FAM110B: variants seen among roughly 807,000 people sequenced by gnomAD.
The protein encoded by FAM110B is family with sequence similarity 110 member B, also known as protein FAM110B.
In FAM110B, 6 loss-of-function variants were observed where a neutral mutation model predicts 20.4. The ratio of observed to expected loss-of-function variants is 0.29; its 90% CI spans 0.16 to 0.58. FAM110B has a LOEUF of 0.58. Among genes scored for constraint, FAM110B ranks in the 20% least tolerant of loss-of-function variants. The probability of loss-of-function intolerance (pLI) is 0.90; values close to 1 mark genes in which losing one functional copy is unlikely to be tolerated. For synonymous variants in FAM110B, 226 were observed against 214.1 expected, an observed-to-expected ratio of 1.06 and a Z score of -0.49; for missense variants, 434 against 498.2, an observed-to-expected ratio of 0.87 and a Z score of 1.23.
chr8:58,072,952 A>G (rs907792870), intron 2 of FAM110B, among the ~76,000 whole-genome samples: 3 of 152,344 alleles, frequency 2.0e-5, no homozygotes, highest in South Asian at 2.1e-4. Context: ...GGCAATATCT[A>G]TAGGTGGATT....
chr8:58,019,728 A>C (rs4480114), intron 1 of FAM110B, among the ~76,000 whole-genome samples: 130,385 of 152,078 alleles, frequency 0.86, 56,292 homozygotes, highest in African/African-American at 0.94. Flanking sequence ...TATCTTTGTT[A>C]CCTTGTATAT....
At chr8:57,995,121 G>C (rs1260743195) in intron 1 of FAM110B, among the ~76,000 whole-genome samples, 1 of 152,140 alleles carries the variant, frequency 6.6e-6, no homozygotes, top group Non-Finnish European at 1.5e-5. Flanking sequence ...GGCTGGGCAC[G>C]GGGCCGGGGC....
intron 2 of FAM110B, among the ~76,000 whole-genome samples, chr8:58,074,921 A>G (rs913597569): frequency 6.6e-5 from 10 of 152,122 alleles, no homozygotes; most frequent in Non-Finnish European, 1.3e-4. Context: ...TATTTATGCA[A>G]CTCATCACAA....
At chr8:58,134,397 C>G (rs1803560616) in intron 3 of FAM110B, among the ~76,000 whole-genome samples, 1 of 152,144 alleles carries the variant, frequency 6.6e-6, no homozygotes, top group Non-Finnish European at 1.5e-5. Context: ...ATGTATTTGC[C>G]TTATATTGGA....
At chr8:58,123,140 G>T (rs16923081) in intron 3 of FAM110B, among the ~76,000 whole-genome samples, 2 of 152,108 alleles carry the variant, frequency 1.3e-5, no homozygotes, top group South Asian at 4.1e-4. Context: ...AACTGCTCCC[G>T]CCTGCCAAGG....
chr8:58,060,659 A>C (rs1192506169), intron 2 of FAM110B, among the ~76,000 whole-genome samples: 2 of 152,354 alleles, frequency 1.3e-5, no homozygotes, highest in South Asian at 2.1e-4. Flanking sequence ...GCAAAAAGTA[A>C]AATGACAGGG....
Position 58,031,858 on chromosome 8 carries a change from TCTC to T in FAM110B, c.-414+156_-414+158del, listed in dbSNP as rs546850558. Among the ~76,000 whole-genome samples the T allele has an allele frequency of 2.2e-4, 33 of 152,298 alleles. 1 individual carries two copies. The highest frequency in any genetic ancestry group is 2.1e-3 in the Admixed American group (32 of 15,290). On this transcript the variant is annotated intron_variant, in intron 2 of 3. Transcript: ENST00000519262. Reference sequence around the variant, plus strand: ...TTCCCTTCCCTCCTTCCTTCTTTCTTCTCTCCCTTCCTCCCCCTTCCTTTTCAT... The same window carrying T: ...TTCCCTTCCCTCCTTCCTTCTTTCTTTCCCTTCCTCCCCCTTCCTTTTCAT...
intron 1 of FAM110B, among the ~76,000 whole-genome samples, chr8:58,006,761 C>T (rs1207056849): frequency 6.6e-6 from 1 of 151,406 alleles, no homozygotes. Context: ...TGCCACCGCA[C>T]CTGGCTAATT....
At chr8:57,999,087 A>T (rs1213852386) in intron 1 of FAM110B, among the ~76,000 whole-genome samples, 1 of 152,218 alleles carries the variant, frequency 6.6e-6, no homozygotes, top group East Asian at 1.9e-4. Context: ...TTAGTAGGTG[A>T]AGCAAATTAC....
intron 3 of FAM110B, among the ~76,000 whole-genome samples, chr8:58,122,962 C>A (rs1424306040): frequency 6.6e-6 from 1 of 152,160 alleles, no homozygotes; most frequent in Non-Finnish European, 1.5e-5. Flanking sequence ...CAGGCGTCTC[C>A]CCCAGATCAT....
At chr8:58,082,847 G>GT (rs57216749) in intron 3 of FAM110B, among the ~76,000 whole-genome samples, 8,330 of 135,450 alleles carry the variant, frequency 0.061, 420 homozygotes, top group African/African-American at 0.14. Flanking sequence ...GTTTTTTTTT[G>GT]TTTTTTTTTT....
intron 3 of FAM110B, among the ~76,000 whole-genome samples, chr8:58,114,022 T>A (rs1807132210): frequency 1.3e-5 from 2 of 152,230 alleles, no homozygotes; most frequent in Non-Finnish European, 2.9e-5. Context: ...GCCCTGCCAT[T>A]GTCATCTGCA....
At chr8:58,060,729 TACA>T (rs1435334711) in intron 2 of FAM110B, among the ~76,000 whole-genome samples, 1 of 152,172 alleles carries the variant, frequency 6.6e-6, no homozygotes, top group Non-Finnish European at 1.5e-5. Context: ...AAGAGATAGT[TACA>T]AAATGCAAAA....
At chr8:58,016,090 A>G (rs17239283) in intron 1 of FAM110B, among the ~76,000 whole-genome samples, 6,417 of 152,250 alleles carry the variant, frequency 0.042, 227 homozygotes, top group Non-Finnish European at 0.052. Flanking sequence ...CAGTTTTAGC[A>G]TCTGAGAAAT....
intron 3 of FAM110B, among the ~76,000 whole-genome samples, chr8:58,094,062 T>C (rs559077160): frequency 6.6e-6 from 1 of 152,302 alleles, no homozygotes; most frequent in East Asian, 1.9e-4. Flanking sequence ...CTATTATTGG[T>C]GTATAGGAAT....
intron 1 of FAM110B, among the ~76,000 whole-genome samples, chr8:58,026,104 G>A (rs1804850675): frequency 6.6e-6 from 1 of 152,184 alleles, no homozygotes; most frequent in Non-Finnish European, 1.5e-5. Flanking sequence ...CTTTACCCCT[G>A]CTACATGGGT....
chr8:58,083,003 C>A (rs1384528334), intron 3 of FAM110B, among the ~76,000 whole-genome samples: 2 of 146,710 alleles, frequency 1.4e-5, no homozygotes, highest in Non-Finnish European at 3.0e-5. Context: ...AGAGCAAGAC[C>A]CTGATTCTTA....
intron 2 of FAM110B, among the ~76,000 whole-genome samples, chr8:58,034,841 G>A (rs141051289): frequency 3.7e-4 from 57 of 152,300 alleles, no homozygotes; most frequent in African/African-American, 1.3e-3. Flanking sequence ...AGAGCCCTCC[G>A]TGATAATGGT....
intron 1 of FAM110B, among the ~76,000 whole-genome samples, chr8:58,010,812 CATT>C (rs1563495958): frequency 6.6e-6 from 1 of 152,176 alleles, no homozygotes; most frequent in Non-Finnish European, 1.5e-5. Context: ...AAACTAAAAT[CATT>C]ATCTTTAATT....
Sources: gnomAD v4.1 joint callset for allele counts (sites outside exome capture counted in the v4.1 genomes callset) on GRCh38, gnomAD v4.1.1 for gene constraint, MANE v1.5 for transcripts, NCBI Gene and HGNC (gene_info 2026-07-23, HGNC 2026-07-21) for gene names.